The following SLC25A26 variants were observed in gnomAD, a reference collection of about 807,000 sequenced individuals.
The protein encoded by SLC25A26 is solute carrier family 25 member 26, also known as mitochondrial S-adenosylmethionine carrier protein.
Under a neutral mutation model 37.8 loss-of-function variants are expected in SLC25A26, and 36 were observed. The ratio of observed to expected loss-of-function variants is 0.95; its 90% CI spans 0.73 to 1.26. The LOEUF is 1.26. SLC25A26 is among the 50% of genes most tolerant of loss of function. SLC25A26 has a pLI of 0.00. For synonymous variants in SLC25A26, 129 were observed against 122.5 expected (o/e 1.05, Z -0.35); for missense variants, 390 against 331.1 (o/e 1.18, Z -1.38).
chr3:66,364,243 A>G (rs2076776605), intron 7 of SLC25A26, among the ~76,000 whole-genome samples: 5 of 152,246 alleles, frequency 3.3e-5, no homozygotes, highest in Admixed American at 3.3e-4. Flanking sequence ...CATTAATTAC[A>G]GTTTCCTTTT....
At chr3:66,300,018 C>T (rs946785233) in intron 5 of SLC25A26, among the ~76,000 whole-genome samples, 3 of 152,164 alleles carry the variant, frequency 2.0e-5, no homozygotes, top group Non-Finnish European at 4.4e-5. Flanking sequence ...ATCTGAGTTT[C>T]AGCTGTTAGC....
At chr3:66,331,246 T>G (rs894590529) in intron 5 of SLC25A26, among the ~76,000 whole-genome samples, 59 of 152,150 alleles carry the variant, frequency 3.9e-4, no homozygotes, top group African/African-American at 1.4e-3. Flanking sequence ...TTTCTTTTAC[T>G]GTATTCACCA....
chr3:66,208,863 G>GCT (rs2071220809), intron 1 of SLC25A26, among the ~76,000 whole-genome samples: 1 of 13,170 alleles, frequency 7.6e-5, no homozygotes, highest in African/African-American at 1.2e-4. Context: ...CCTTTATATG[G>GCT]GTGTGTGTAT....
At chr3:66,178,138 G>A (rs562731914) in intron 1 of SLC25A26, among the ~76,000 whole-genome samples, 1 of 152,294 alleles carries the variant, frequency 6.6e-6, no homozygotes, top group East Asian at 1.9e-4. Flanking sequence ...TCAGATTCAT[G>A]TGTAAGGAAG....
chr3:66,138,388 T>G (rs1469454470), intron 1 of SLC25A26, among the ~76,000 whole-genome samples: 1 of 152,150 alleles, frequency 6.6e-6, no homozygotes, highest in African/African-American at 2.4e-5. Flanking sequence ...AATTTCTCTT[T>G]TTTTCTATAA....
At chr3:66,288,289 A>C (rs1237132618) in intron 5 of SLC25A26, among the ~76,000 whole-genome samples, 1 of 152,156 alleles carries the variant, frequency 6.6e-6, no homozygotes, top group African/African-American at 2.4e-5. Flanking sequence ...GGAAGGGTAG[A>C]GTAAAGGAAT....
chr3:66,264,380 G>C (rs1246985996), intron 5 of SLC25A26, among the ~76,000 whole-genome samples: 2 of 152,118 alleles, frequency 1.3e-5, no homozygotes, highest in Non-Finnish European at 2.9e-5. Context: ...TCTAAGACAG[G>C]GACCCCAACC....
chr3:66,272,197 C>G (rs961629790), intron 5 of SLC25A26, among the ~76,000 whole-genome samples: 1 of 152,104 alleles, frequency 6.6e-6, no homozygotes, highest in Non-Finnish European at 1.5e-5. Context: ...AATGCGATCC[C>G]TACTTGACAG....
intron 1 of SLC25A26, among the ~76,000 whole-genome samples, chr3:66,176,026 T>A (rs185964533): frequency 0.01 from 1,576 of 152,160 alleles, 8 homozygotes; most frequent in Non-Finnish European, 0.014. Flanking sequence ...AAAAAAAAAA[T>A]TTCCTTTAAT....
At chr3:66,315,937 G>A (rs1033392464) in intron 5 of SLC25A26, among the ~76,000 whole-genome samples, 3 of 151,980 alleles carry the variant, frequency 2.0e-5, no homozygotes, top group African/African-American at 7.2e-5. Flanking sequence ...ATTGTAACAC[G>A]TGCTTTTTTC....
intron 6 of SLC25A26, among the ~76,000 whole-genome samples, chr3:66,350,709 T>C (rs1245025197): frequency 7.5e-6 from 1 of 132,898 alleles, no homozygotes; most frequent in East Asian, 3.6e-4. Context: ...TGTGTGTGTG[T>C]GTGTGAGCGC....
chr3:66,308,668 C>G (rs1197639659), intron 5 of SLC25A26, among the ~76,000 whole-genome samples: 1 of 151,920 alleles, frequency 6.6e-6, no homozygotes, highest in African/African-American at 2.4e-5. Flanking sequence ...CTATTCATAA[C>G]TATTCCATAA....
At chr3:66,349,702 C>T (rs1242956156) in intron 6 of SLC25A26, among the ~76,000 whole-genome samples, 2 of 152,088 alleles carry the variant, frequency 1.3e-5, no homozygotes, top group African/African-American at 4.8e-5. Flanking sequence ...TTTTACTTCT[C>T]TAGGGTCAGA....
intron 6 of SLC25A26, among the ~76,000 whole-genome samples, chr3:66,360,800 A>G (rs949471434): frequency 6.6e-6 from 1 of 152,208 alleles, no homozygotes; most frequent in African/African-American, 2.4e-5. Flanking sequence ...GTGAGAAGAA[A>G]ACCCCTCAAC....
intron 5 of SLC25A26, among the ~76,000 whole-genome samples, chr3:66,330,958 G>C (rs1000245939): frequency 2.0e-5 from 3 of 151,990 alleles, no homozygotes; most frequent in South Asian, 2.1e-4. Context: ...TGATTTGTGA[G>C]AGTTTGTATA....
At chr3:66,174,470 G>T (rs527587399) in intron 1 of SLC25A26, among the ~76,000 whole-genome samples, 1 of 152,270 alleles carries the variant, frequency 6.6e-6, no homozygotes, top group South Asian at 2.1e-4. Context: ...AAAATGAAAT[G>T]ATGTCAGGCT....
chr3:66,170,102 T>C (rs1184653436), intron 1 of SLC25A26, among the ~76,000 whole-genome samples: 1 of 152,240 alleles, frequency 6.6e-6, no homozygotes, highest in African/African-American at 2.4e-5. Flanking sequence ...TCTAAGCAAG[T>C]TCCAAATTAA....
At chr3:66,348,572 C>T (rs1023071778) in intron 6 of SLC25A26, among the ~76,000 whole-genome samples, 5 of 152,012 alleles carry the variant, frequency 3.3e-5, no homozygotes, top group Admixed American at 2.6e-4. Context: ...ATGGAGTGCT[C>T]ATACAAAATG....
intron 1 of SLC25A26, among the ~76,000 whole-genome samples, chr3:66,186,433 G>T (rs2070829028): frequency 6.6e-6 from 1 of 151,666 alleles, no homozygotes; most frequent in Admixed American, 6.6e-5. Context: ...CCCTGCTGCT[G>T]AACTTGACCT....
Sources: allele counts gnomAD v4.1 joint callset (sites outside exome capture counted in the v4.1 genomes callset), GRCh38; gene constraint gnomAD v4.1.1; transcripts MANE v1.5; gene names NCBI Gene and HGNC (gene_info 2026-07-23, HGNC 2026-07-21).